Variants in STMN1 observed in about 807,000 individuals in gnomAD.
STMN1 encodes stathmin 1.
Under a neutral mutation model 19.7 loss-of-function variants are expected in STMN1, and 3 were observed. The ratio of observed to expected loss-of-function variants is 0.15; its 90% confidence interval spans 0.07 to 0.39. The LOEUF (loss-of-function observed/expected upper bound fraction) is 0.39. Ranked by LOEUF, STMN1 falls within the 10% of genes least tolerant of loss-of-function variation. STMN1 has a pLI of 1.00. For missense variants in STMN1, 99 were observed against 176.0 expected, an observed-to-expected ratio of 0.56 and a Z score of 2.48; for synonymous variants, 59 against 58.9, an observed-to-expected ratio of 1.00 and a Z score of -0.01.
intron 4 of STMN1, chr1:25,885,995 G>A: frequency 7.6e-7 from 1 of 1,311,640 alleles, no homozygotes; most frequent in Non-Finnish European, 1.0e-6. Flanking sequence ...AATCATCCAG[G>A]GATCTTTAAA....
rs1572302934 is a variant in STMN1 at position 25,901,299 on chromosome 1, T to G, written c.378+192A>C. The G allele has an allele frequency of 3.5e-6, 4 of 1,131,184 alleles. No homozygotes were observed. The East Asian group carries it at 1.0e-4, about 29-fold the overall frequency. The allele number at this position is 1,131,184 out of a possible 1,614,324, so 70.1% of individuals were successfully genotyped here. ...AACCTAACAAGCTGCCTACTGGACT[T>G]CCAAGGACTGTGCAATTATGCTGGG... is the stretch of plus-strand genomic sequence containing the variant. On this transcript the variant is annotated intron_variant, in intron 4 of 4. Coordinates refer to ENST00000455785, the MANE Select transcript of STMN1 (RefSeq NM_005563.4).
intron 2 of STMN1, among the ~76,000 whole-genome samples, chr1:25,904,084 G>C (rs1263506530): frequency 2.0e-5 from 3 of 152,152 alleles, no homozygotes. Flanking sequence ...AGGCCAACAT[G>C]GGAAGATCCC....
At chr1:25,886,802 C>A (rs2048725621) in intron 4 of STMN1, among the ~76,000 whole-genome samples, 1 of 151,872 alleles carries the variant, frequency 6.6e-6, no homozygotes, top group African/African-American at 2.4e-5. Context: ...TGGACAGGAT[C>A]GTTTCGATCT....
chr1:25,892,240 T>G (rs901902098), intron 4 of STMN1, among the ~76,000 whole-genome samples: 2 of 152,086 alleles, frequency 1.3e-5, no homozygotes, highest in African/African-American at 4.8e-5. Flanking sequence ...ATACAAAAAT[T>G]AGCTGGGCAT....
At chr1:25,893,124 A>G (rs2048790758) in intron 4 of STMN1, among the ~76,000 whole-genome samples, 1 of 152,242 alleles carries the variant, frequency 6.6e-6, no homozygotes, top group Non-Finnish European at 1.5e-5. Context: ...ATATTTTACT[A>G]CAATTTGTTT....
At chr1:25,901,433 C>T (rs2048872897) in intron 4 of STMN1, 58 bp downstream of exon 4, 1 of 1,538,810 alleles carries the variant, frequency 6.5e-7, no homozygotes, top group African/African-American at 1.4e-5. Flanking sequence ...TTAGTTCAAG[C>T]CAACTCATTG....
downstream of STMN1, among the ~76,000 whole-genome samples, chr1:25,897,886 C>A (rs1407674453): frequency 6.6e-6 from 1 of 152,218 alleles, no homozygotes; most frequent in Non-Finnish European, 1.5e-5. Context: ...GGAGTGATTT[C>A]TTTCTCCTCC....
At chr1:25,904,195 T>C (rs1193864305) in intron 2 of STMN1, among the ~76,000 whole-genome samples, 11 of 152,062 alleles carry the variant, frequency 7.2e-5, no homozygotes, top group Admixed American at 6.6e-4. Flanking sequence ...CCCATGTCGA[T>C]AGTCCCAGAT....
chr1:25,902,853 G>A (rs2048891469), intron 3 of STMN1: 1 of 152,152 alleles, frequency 6.6e-6, no homozygotes, highest in African/African-American at 2.4e-5. Flanking sequence ...CACTATGCTG[G>A]TCTGGGGAAG....
intron 4 of STMN1, among the ~76,000 whole-genome samples, chr1:25,890,693 AC>A (rs1216142464): frequency 1.3e-5 from 2 of 152,144 alleles, no homozygotes; most frequent in African/African-American, 4.8e-5. Flanking sequence ...TACACTGCAT[AC>A]CTGTCTGACT....
downstream of STMN1, among the ~76,000 whole-genome samples, chr1:25,896,486 G>A (rs138269242): frequency 1.4e-4 from 22 of 152,156 alleles, no homozygotes; most frequent in Admixed American, 3.3e-4. Flanking sequence ...GAGGTAGCTG[G>A]CTCATTTCCT....
Position 25,900,287 on chromosome 1 carries a change from T to A in STMN1, c.*729A>T, listed in dbSNP as rs554206957. On this transcript the variant is annotated 3_prime_UTR_variant, in exon 5 of 5. Coordinates refer to ENST00000455785, the MANE Select transcript of STMN1 (RefSeq NM_005563.4). The stretch of plus-strand genomic sequence containing the variant: ...TCTAGAAACACGCTTGTGCTTTTAA[T>A]CTGCCTTTTAAAAGGGACACAGAAC... 1 of 985,882 alleles carries A rather than the reference T, an allele frequency of 1.0e-6. No homozygotes were observed. Among genetic ancestry groups the A allele is most frequent in the South Asian group, 4.7e-5 (1 of 21,286 alleles). The allele number at this position is 985,882 out of a possible 1,614,324, so 61.1% of individuals were successfully genotyped here.
intron 4 of STMN1, among the ~76,000 whole-genome samples, chr1:25,886,876 G>A (rs1010141496): frequency 1.3e-4 from 19 of 151,962 alleles, no homozygotes; most frequent in African/African-American, 2.2e-4. Context: ...ATGAGCCACC[G>A]TGCCTGGCCC....
downstream of STMN1, among the ~76,000 whole-genome samples, chr1:25,895,159 G>A (rs2048807941): frequency 6.7e-6 from 1 of 149,824 alleles, no homozygotes; most frequent in South Asian, 2.1e-4. Flanking sequence ...CTGGAGTGCG[G>A]TGGCGTGATC....
At chr1:25,898,188 G>T (rs956612426), downstream of STMN1, among the ~76,000 whole-genome samples, 1 of 152,134 alleles carries the variant, frequency 6.6e-6, no homozygotes, top group Non-Finnish European at 1.5e-5. Context: ...TGGAGGGCCT[G>T]CCAAAGGCCA....
At chr1:25,904,830 C>T (rs2048918878) in intron 1 of STMN1, 92 bp from the exon 2 acceptor site, 2 of 816,172 alleles carry the variant, frequency 2.5e-6, no homozygotes, top group Non-Finnish European at 3.6e-6. Context: ...CTACATACAT[C>T]GTCAGAAAAA....
chr1:25,893,555 T>C (rs1333082694), intron 4 of STMN1, among the ~76,000 whole-genome samples: 1 of 152,186 alleles, frequency 6.6e-6, no homozygotes, highest in African/African-American at 2.4e-5. Flanking sequence ...TATTTATTTT[T>C]TTGAGACACA....
At chr1:25,893,595 C>T (rs2048794848) in intron 4 of STMN1, among the ~76,000 whole-genome samples, 1 of 152,144 alleles carries the variant, frequency 6.6e-6, no homozygotes, top group African/African-American at 2.4e-5. Flanking sequence ...GGCTGGACTG[C>T]GATGGTGTGA....
rs1289295990 is a variant in STMN1, at chr1:25,900,865, A to T, written c.*151T>A. On this transcript the variant is annotated 3_prime_UTR_variant, in exon 5 of 5. Transcript: ENST00000455785. ...TTTCTCCCCTTTAGCCCCTAAAACA[A>T]CATCTTACAGTCTGGATCTGGATCT... 3 of 1,443,180 alleles carry T rather than the reference A, an allele frequency of 2.1e-6. No individual in the cohort carries two copies. The highest frequency in any genetic ancestry group is 2.5e-5 in the East Asian group (1 of 39,870). The allele number at this position is 1,443,180 out of a possible 1,614,324, so 89.4% of individuals were successfully genotyped here.
Sources: allele counts gnomAD v4.1 joint callset (sites outside exome capture counted in the v4.1 genomes callset), GRCh38; gene constraint gnomAD v4.1.1; transcripts MANE v1.5; gene names NCBI Gene and HGNC (gene_info 2026-07-23, HGNC 2026-07-21).